PDZRN4: variants seen among roughly 807,000 people sequenced by gnomAD.
PDZRN4 encodes PDZ domain-containing RING finger protein 4.
A neutral mutation model predicts 99.0 loss-of-function variants in PDZRN4; 70 were observed. That is an observed-to-expected ratio of 0.71 (90% CI 0.58 to 0.86). The LOEUF (loss-of-function observed/expected upper bound fraction) is 0.86. Ranked by LOEUF, PDZRN4 falls within the 40% of genes least tolerant of loss-of-function variation. The pLI is 0.00. For missense variants in PDZRN4, 1,474 were observed against 1,331.2 expected, an observed-to-expected ratio of 1.11 and a Z score of -1.67; for synonymous variants, 551 against 501.6, an observed-to-expected ratio of 1.10 and a Z score of -1.32.
At chr12:41,348,520 C>T (rs185692748) in intron 3 of PDZRN4, among the ~76,000 whole-genome samples, 31 of 152,096 alleles carry the variant, frequency 2.0e-4, no homozygotes, top group Non-Finnish European at 4.1e-4. Context: ...AAAAATAAAA[C>T]GAATGAATGA....
intron 3 of PDZRN4, among the ~76,000 whole-genome samples, chr12:41,329,946 T>C (rs1186333605): frequency 6.6e-6 from 1 of 152,144 alleles, no homozygotes; most frequent in Non-Finnish European, 1.5e-5. Flanking sequence ...TCTCTCATGA[T>C]AGCCACTGGA....
chr12:41,542,384 A>G (rs1489555155), intron 5 of PDZRN4, among the ~76,000 whole-genome samples: 2 of 152,346 alleles, frequency 1.3e-5, no homozygotes, highest in South Asian at 4.1e-4. Context: ...TTGAAAGAAT[A>G]GTAAAGATCT....
At chr12:41,231,375 A>G (rs1347558523) in intron 3 of PDZRN4, among the ~76,000 whole-genome samples, 2 of 152,136 alleles carry the variant, frequency 1.3e-5, no homozygotes, top group South Asian at 2.1e-4. Flanking sequence ...TTCCGGTAAC[A>G]TCATTCATTG....
At position 41,506,501 on chromosome 12, in the gene PDZRN4, G is replaced by C; in HGVS notation, c.889G>C (p.Glu297Gln). The C allele has an allele frequency of 6.2e-7, 1 of 1,613,658 alleles. No individual in the cohort carries two copies. The highest frequency in any genetic ancestry group is 8.5e-7 in the Non-Finnish European group (1 of 1,179,722). The stretch of plus-strand genomic sequence containing the variant: ...AAAGGCCACTCATGAAGAGGCAGTG[G>C]AAGCTTTTCGCAATGCCAAGGAGCC... ...LSKATHEEAV[E>Q]AFRNAKEPIV... The change falls in exon 4 of 10, where the codon GAA (glutamate) becomes CAA (glutamine). Residue 297 changes from glutamate to glutamine, a missense_variant. Coordinates refer to ENST00000402685, the MANE Select transcript of PDZRN4 (RefSeq NM_001164595.2).
At chr12:41,218,110 C>G (rs1950932890) in intron 3 of PDZRN4, among the ~76,000 whole-genome samples, 1 of 152,102 alleles carries the variant, frequency 6.6e-6, no homozygotes, top group Non-Finnish European at 1.5e-5. Flanking sequence ...CATAATGAAC[C>G]TATTAAAAGA....
rs1951835806 is a variant in PDZRN4 at position 41,343,996 on chromosome 12, C to G, written c.843+149808C>G. On this transcript the variant is annotated intron_variant, in intron 3 of 9. Coordinates refer to ENST00000402685, the MANE Select transcript of PDZRN4 (RefSeq NM_001164595.2). ...TCATAAAATGTAATTATGTTAGGTCCAATAAAATGCAATGCATATTATAAA... is the reference window on the plus strand; with the variant it reads ...TCATAAAATGTAATTATGTTAGGTCGAATAAAATGCAATGCATATTATAAA... 3.3e-5 allele frequency among the ~76,000 whole-genome samples: 5 copies of G among 152,050 alleles called. No homozygotes were observed. In the East Asian group the frequency reaches 9.7e-4, roughly 29 times the overall value.
chr12:41,295,002 TA>T (rs112139532), intron 3 of PDZRN4, among the ~76,000 whole-genome samples: 11,566 of 147,934 alleles, frequency 0.078, 900 homozygotes, highest in African/African-American at 0.21. Flanking sequence ...CATAGACATG[TA>T]AAAAAAAAAA....
intron 5 of PDZRN4, among the ~76,000 whole-genome samples, chr12:41,524,011 G>T (rs1189531011): frequency 1.3e-5 from 2 of 152,050 alleles, no homozygotes; most frequent in Non-Finnish European, 2.9e-5. Flanking sequence ...ATTTAGTAAA[G>T]TTGCAGGATA....
chr12:41,314,410 G>T (rs142784080), intron 3 of PDZRN4, among the ~76,000 whole-genome samples: 126 of 152,262 alleles, frequency 8.3e-4, no homozygotes, highest in African/African-American at 2.8e-3. Context: ...TATCATAGAG[G>T]TGGTAACAGA....
rs187759597 is a variant in PDZRN4 at position 41,377,211 on chromosome 12, G to A, written c.844-129245G>A. 1.2e-4 allele frequency among the ~76,000 whole-genome samples: 18 copies of A among 152,034 alleles called. No homozygotes were observed. The East Asian group carries it at 3.1e-3, about 26-fold the overall frequency. On this transcript the variant is annotated intron_variant, in intron 3 of 9. Transcript: ENST00000402685. ...TCTCAAGATTACTTCTACTATTAGGGGTCTTCTGTGGTTCCATATGATAGG... is the reference window on the plus strand; with the variant it reads ...TCTCAAGATTACTTCTACTATTAGGAGTCTTCTGTGGTTCCATATGATAGG...
chr12:41,429,970 G>T (rs12424813), intron 3 of PDZRN4, among the ~76,000 whole-genome samples: 5 of 152,004 alleles, frequency 3.3e-5, no homozygotes, highest in Admixed American at 1.3e-4. Flanking sequence ...GCTGAATGGT[G>T]TGACATTATC....
At chr12:41,367,267 T>C (rs1349872418) in intron 3 of PDZRN4, among the ~76,000 whole-genome samples, 1 of 152,118 alleles carries the variant, frequency 6.6e-6, no homozygotes, top group African/African-American at 2.4e-5. Context: ...CCCAGCACTT[T>C]GGGAGGCCGA....
At chr12:41,570,110 G>A (rs1868879) in intron 9 of PDZRN4, among the ~76,000 whole-genome samples, 1,942 of 152,138 alleles carry the variant, frequency 0.013, 42 homozygotes, top group African/African-American at 0.043. Flanking sequence ...ACTCATCAGA[G>A]GTAATACAAA....
rs534472462 is a variant in PDZRN4 at position 41,469,702 on chromosome 12, G to C, written c.844-36754G>C. The stretch of plus-strand genomic sequence containing the variant: ...ATCCCAGCACTTTGGGAGGCCGAGG[G>C]GGGCCGATCACGAGGTCAGGAGATC... On this transcript the variant is annotated intron_variant, in intron 3 of 9. Transcript: ENST00000402685. Among the ~76,000 whole-genome samples, 393 of 152,074 alleles carry C rather than the reference G, an allele frequency of 2.6e-3. 1 individual carries two copies. Among genetic ancestry groups the C allele is most frequent in the African/African-American group, 8.2e-3 (342 of 41,532 alleles).
intron 3 of PDZRN4, among the ~76,000 whole-genome samples, chr12:41,276,337 T>A (rs1951349597): frequency 6.6e-6 from 1 of 152,022 alleles, no homozygotes; most frequent in South Asian, 2.1e-4. Context: ...ACAAATAAGC[T>A]CTTCTCTGGT....
chr12:41,192,516 C>G (rs1238156935), intron 2 of PDZRN4, among the ~76,000 whole-genome samples: 3 of 152,170 alleles, frequency 2.0e-5, no homozygotes, highest in African/African-American at 7.2e-5. Context: ...GTCCTTTTGG[C>G]AAATTTCTTG....
At chr12:41,260,212 C>T (rs12297913) in intron 3 of PDZRN4, among the ~76,000 whole-genome samples, 22,162 of 151,954 alleles carry the variant, frequency 0.15, 2,495 homozygotes, top group African/African-American at 0.32. Context: ...ATGTGTTTTA[C>T]TTTTTATTTT....
chr12:41,196,376 A>G (rs914915489), intron 3 of PDZRN4, among the ~76,000 whole-genome samples: 2 of 152,108 alleles, frequency 1.3e-5, no homozygotes, highest in African/African-American at 4.8e-5. Flanking sequence ...ACCAGGGTAC[A>G]TTGATTTTAT....
At chr12:41,202,097 G>T (rs561681322) in intron 3 of PDZRN4, among the ~76,000 whole-genome samples, 82 of 152,238 alleles carry the variant, frequency 5.4e-4, no homozygotes, top group Non-Finnish European at 1.1e-3. Flanking sequence ...GAACTAAAAA[G>T]ATGGAAGATA....
Sources: gnomAD v4.1 joint callset for allele counts (sites outside exome capture counted in the v4.1 genomes callset) on GRCh38, gnomAD v4.1.1 for gene constraint, MANE v1.5 for transcripts, NCBI Gene and HGNC (gene_info 2026-07-23, HGNC 2026-07-21) for gene names.